Variants in STK32B observed in about 807,000 individuals in gnomAD.
STK32B encodes the protein serine/threonine kinase 32B.
In STK32B, 43 loss-of-function variants were observed where a neutral mutation model predicts 52.6. That is an observed-to-expected ratio of 0.82 (90% CI 0.64 to 1.05). STK32B has a LOEUF of 1.05. Among genes scored for constraint, STK32B ranks in the 50% least tolerant of loss-of-function variants. The pLI, the probability that STK32B is intolerant of heterozygous loss-of-function variation, is 0.00. For missense variants in STK32B, 621 were observed against 534.6 expected (o/e 1.16, Z -1.59); for synonymous variants, 238 against 204.3 (o/e 1.17, Z -1.41).
At chr4:5,186,176 A>G (rs983892623) in intron 3 of STK32B, among the ~76,000 whole-genome samples, 21 of 152,146 alleles carry the variant, frequency 1.4e-4, no homozygotes, top group African/African-American at 4.8e-4. Flanking sequence ...TTCATAGTCC[A>G]GGCCTCACCT....
chr4:5,103,810 G>A (rs1037848971), intron 1 of STK32B, among the ~76,000 whole-genome samples: 7 of 152,160 alleles, frequency 4.6e-5, no homozygotes, highest in Non-Finnish European at 7.4e-5. Flanking sequence ...TTGCCAGTAC[G>A]ATGAGTATGA....
chr4:5,089,926 A>G (rs1385270642), intron 1 of STK32B, among the ~76,000 whole-genome samples: 1 of 152,162 alleles, frequency 6.6e-6, no homozygotes, highest in Non-Finnish European at 1.5e-5. Flanking sequence ...GTGAGATGGT[A>G]TCTCATTGTG....
intron 2 of STK32B, among the ~76,000 whole-genome samples, chr4:5,157,525 C>T (rs1198350306): frequency 6.6e-6 from 1 of 152,076 alleles, no homozygotes; most frequent in East Asian, 1.9e-4. Flanking sequence ...TGAGCTAAGA[C>T]CCAACTGCTG....
chr4:5,349,203 G>A (rs1410113317), intron 4 of STK32B, among the ~76,000 whole-genome samples: 1 of 152,098 alleles, frequency 6.6e-6, no homozygotes, highest in African/African-American at 2.4e-5. Context: ...AATAAAGCCA[G>A]TGCCAGTATA....
chr4:5,155,807 C>A (rs1158919816), intron 2 of STK32B, among the ~76,000 whole-genome samples: 1 of 152,178 alleles, frequency 6.6e-6, no homozygotes, highest in African/African-American at 2.4e-5. Flanking sequence ...CCAAACGGAA[C>A]TGTGAGTCAA....
intron 6 of STK32B, among the ~76,000 whole-genome samples, chr4:5,438,318 C>G (rs1256671336): frequency 6.6e-6 from 1 of 152,124 alleles, no homozygotes; most frequent in African/African-American, 2.4e-5. Flanking sequence ...AGATCAGTGC[C>G]CAGCATGTAC....
At chr4:5,436,484 A>G in intron 6 of STK32B, 1 of 503,834 alleles carries the variant, frequency 2.0e-6, no homozygotes, top group Non-Finnish European at 2.6e-6. Context: ...AGCAGGGAAT[A>G]CCATCATCTG....
chr4:5,077,254 G>T (rs978736354), intron 1 of STK32B, among the ~76,000 whole-genome samples: 3 of 152,122 alleles, frequency 2.0e-5, no homozygotes, highest in Admixed American at 6.6e-5. Flanking sequence ...ACCAAAGAGA[G>T]ATAAAGCGGA....
intron 1 of STK32B, among the ~76,000 whole-genome samples, chr4:5,117,312 C>A (rs1050892577): frequency 6.6e-6 from 1 of 152,064 alleles, no homozygotes; most frequent in Non-Finnish European, 1.5e-5. Flanking sequence ...GAGAAGTATT[C>A]CTGCTATACC....
rs574649055 is a variant in STK32B, at chr4:5,496,310, C to A, written c.1107-2635C>A. On this transcript the variant is annotated intron_variant, in intron 11 of 11. Transcript: ENST00000282908. The stretch of plus-strand genomic sequence containing the variant: ...GGCGCCCCTCCACCAGCCTCGCTGC[C>A]GCCTTGCAGTTTGATCTCAGACTGC... Among the ~76,000 whole-genome samples the A allele has an allele frequency of 4.6e-5, 7 of 152,318 alleles. No homozygotes were observed. The South Asian group carries it at 1.4e-3, about 32-fold the overall frequency.
intron 6 of STK32B, among the ~76,000 whole-genome samples, chr4:5,438,689 T>C (rs1714377508): frequency 6.6e-6 from 1 of 152,340 alleles, no homozygotes; most frequent in Admixed American, 6.5e-5. Context: ...GCCATGCTGG[T>C]GCGCTGCACC....
intron 2 of STK32B, among the ~76,000 whole-genome samples, chr4:5,154,727 A>G (rs16836725): frequency 0.045 from 6,872 of 152,220 alleles, 345 homozygotes; most frequent in Admixed American, 0.16. Context: ...TGCCTTCTCC[A>G]TGTGACTGAG....
At position 5,051,689 on chromosome 4, in the gene STK32B, G is replaced by C; in HGVS notation, c.-175G>C. On this transcript the variant is annotated 5_prime_UTR_variant, in exon 1 of 12. Coordinates refer to ENST00000282908, the MANE Select transcript of STK32B (RefSeq NM_018401.3). ...GCGAGCGCAGTCGGAAGGGCGTCCA[G>C]GAGAAGGGGGACGCCGTCCCCGCCC... 1 of 739,338 alleles carries C rather than the reference G, an allele frequency of 1.4e-6. No homozygotes were observed. Among genetic ancestry groups the C allele is most frequent in the South Asian group, 2.0e-5 (1 of 49,302 alleles). 45.8% of individuals were successfully genotyped at this position (739,338 alleles called of 1,614,324 possible). A position where few individuals can be genotyped will look rare whatever the true frequency, so the allele number is the denominator to read the frequency against.
At chr4:5,102,490 T>TTCCTTCGTTCCC (rs1370529867) in intron 1 of STK32B, among the ~76,000 whole-genome samples, 1 of 79,876 alleles carries the variant, frequency 1.3e-5, no homozygotes, top group Non-Finnish European at 2.5e-5. Context: ...CCTTCCTTCC[T>TTCCTTCGTTCCC]TCCCTCCCTC....
At chr4:5,167,457 G>T (rs1007842068) in intron 2 of STK32B, among the ~76,000 whole-genome samples, 3 of 152,084 alleles carry the variant, frequency 2.0e-5, no homozygotes, top group Non-Finnish European at 4.4e-5. Flanking sequence ...AGCTTCTCCT[G>T]TGCTCCCCCA....
intron 3 of STK32B, among the ~76,000 whole-genome samples, chr4:5,279,424 C>A (rs149899204): frequency 1.3e-5 from 2 of 148,558 alleles, no homozygotes; most frequent in East Asian, 4.0e-4. Context: ...ATGCAAAGGA[C>A]GGGCTTCCAA....
At chr4:5,487,111 G>C (rs542408163) in intron 11 of STK32B, among the ~76,000 whole-genome samples, 2 of 152,310 alleles carry the variant, frequency 1.3e-5, no homozygotes, top group South Asian at 2.1e-4. Context: ...GCTGTAGTTA[G>C]GCTTAATTAT....
chr4:5,261,144 G>T lies in STK32B; in HGVS notation c.261-70076G>T, dbSNP rs538509910. Among the ~76,000 whole-genome samples, 16 of 152,182 alleles carry T rather than the reference G, an allele frequency of 1.1e-4. No homozygotes were observed. In the East Asian group the frequency reaches 2.7e-3, roughly 26 times the overall value. The stretch of plus-strand genomic sequence containing the variant: ...GGGGGCGAGCCTGCAGTCCTATAAG[G>T]GGGTCCGGGTAGCACATCATGACAT... On this transcript the variant is annotated intron_variant, in intron 3 of 11. Coordinates refer to ENST00000282908, the MANE Select transcript of STK32B (RefSeq NM_018401.3).
At chr4:5,433,182 G>T (rs1302768841) in intron 6 of STK32B, among the ~76,000 whole-genome samples, 1 of 151,954 alleles carries the variant, frequency 6.6e-6, no homozygotes, top group Non-Finnish European at 1.5e-5. Context: ...TAGAAAGGAG[G>T]ATAGAGAGGA....
Sources: gnomAD v4.1 joint callset for allele counts (sites outside exome capture counted in the v4.1 genomes callset) on GRCh38, gnomAD v4.1.1 for gene constraint, MANE v1.5 for transcripts, NCBI Gene and HGNC (gene_info 2026-07-23, HGNC 2026-07-21) for gene names.